The following BAIAP2 variants were observed in gnomAD, a reference collection of about 807,000 sequenced individuals.
BAIAP2 encodes the protein BAR/IMD domain-containing adapter protein 2.
BAIAP2 carries 18 observed loss-of-function variants against 63.0 expected under a neutral mutation model. That is an observed-to-expected ratio of 0.29 (90% confidence interval 0.20 to 0.42). BAIAP2 has a LOEUF of 0.42. Ranked by LOEUF, BAIAP2 falls within the 10% of genes least tolerant of loss-of-function variation. The pLI is 1.00. For synonymous variants in BAIAP2, 386 were observed against 307.6 expected (o/e 1.25, Z -2.67); for missense variants, 610 against 734.3 (o/e 0.83, Z 1.96).
At chr17:81,085,444 G>A (rs1407075236) in intron 4 of BAIAP2, 6 of 686,388 alleles carry the variant, frequency 8.7e-6, no homozygotes, top group African/African-American at 3.5e-5. Context: ...ATTGTCCGAC[G>A]TTCCAGACTC....
rs113122868 is a variant in BAIAP2 at position 81,099,193 on chromosome 17, G to A, written c.490-735G>A. Among the ~76,000 whole-genome samples the A allele has an allele frequency of 1.0e-4, 6 of 59,890 alleles. No homozygotes were observed. The East Asian group carries it at 2.3e-3, about 23-fold the overall frequency. 39.3% of individuals were successfully genotyped at this position (59,890 alleles called of 152,430 possible). A position where few individuals can be genotyped will look rare whatever the true frequency, so the allele number is the denominator to read the frequency against. ...CTTGCTTTCTGGGCTCCCAGTCTCC[G>A]CTCGGTGACCTCTTGTCTGATCCTC... On this transcript the variant is annotated intron_variant, in intron 6 of 13. Coordinates refer to ENST00000428708, the MANE Select transcript of BAIAP2 (RefSeq NM_001144888.2).
intron 9 of BAIAP2, among the ~76,000 whole-genome samples, 162 bp downstream of exon 9, chr17:81,104,270 C>T (rs2058858689): frequency 6.6e-6 from 1 of 152,226 alleles, no homozygotes; most frequent in African/African-American, 2.4e-5. Flanking sequence ...TGTGCCTGCC[C>T]AGCATCCAGC....
In BAIAP2 at chr17:81,057,985, CCCCCG is replaced by C; in HGVS notation, c.217+21_217+25del. 2 of 1,216,958 alleles carry C rather than the reference CCCCCG, an allele frequency of 1.6e-6. 1 individual carries two copies. Among genetic ancestry groups the C allele is most frequent in the Non-Finnish European group, 2.2e-6 (2 of 922,482 alleles). The allele number at this position is 1,216,958 out of a possible 1,614,324, so 75.4% of individuals were successfully genotyped here. ...AGAACTCGGTGAGACCCCCCCCCCC[CCCCCG>C]CCTGGTAGTCGCCTGATGCCCTCAG... On this transcript the variant is annotated intron_variant, in intron 3 of 13. Coordinates refer to ENST00000428708, the MANE Select transcript of BAIAP2 (RefSeq NM_001144888.2).
chr17:81,051,091 G>A (rs887544493), intron 1 of BAIAP2, among the ~76,000 whole-genome samples: 4 of 151,800 alleles, frequency 2.6e-5, no homozygotes, highest in Admixed American at 2.0e-4. Flanking sequence ...TCCCTGCCCC[G>A]GCTCCCAGGC....
At chr17:81,036,580 G>T (rs1024922755) in intron 1 of BAIAP2, among the ~76,000 whole-genome samples, 1 of 152,244 alleles carries the variant, frequency 6.6e-6, no homozygotes, top group African/African-American at 2.4e-5. Flanking sequence ...AATAAAGCTT[G>T]TGAAGTTGGG....
chr17:81,107,411 G>C (rs1443845847), intron 12 of BAIAP2: 1 of 154,876 alleles, frequency 6.5e-6, no homozygotes, highest in Non-Finnish European at 1.4e-5. Context: ...CTGGTGCCGG[G>C]AGGCCAGAGG....
intron 3 of BAIAP2, among the ~76,000 whole-genome samples, chr17:81,078,668 G>A (rs1443071419): frequency 6.6e-6 from 1 of 151,956 alleles, no homozygotes; most frequent in Non-Finnish European, 1.5e-5. Flanking sequence ...GTGGGTGCGG[G>A]TGCTGTCTCG....
In BAIAP2 at chr17:81,046,975, A is replaced by G. The variant is rs1229348812; in HGVS notation, c.55-6693A>G. ...GCCACCGGCTTCTGCCTGTCGCGAC[A>G]GAGGTGGAAGTGAGGGCGGTGGTCC... On this transcript the variant is annotated intron_variant, in intron 1 of 13. Coordinates refer to ENST00000428708, the MANE Select transcript of BAIAP2 (RefSeq NM_001144888.2). The surrounding 1 kb of genome is among the most constrained non-coding windows in gnomAD (Gnocchi z 4.5). 1.5e-4 allele frequency among the ~76,000 whole-genome samples: 23 copies of G among 152,162 alleles called. No homozygotes were observed.
chr17:81,089,696 G>A (rs1451502002), intron 6 of BAIAP2, among the ~76,000 whole-genome samples: 3 of 152,198 alleles, frequency 2.0e-5, no homozygotes, highest in African/African-American at 4.8e-5. Context: ...GCCAGACCCC[G>A]GAGCCCGGCA....
chr17:81,115,989 C>A lies in BAIAP2; in HGVS notation c.*150C>A. ...ACTTGAGTCTGGCCTGGACTGGATC[C>A]CAGCTGTTCTAGGCAGGGCCGGGCA... is the stretch of plus-strand genomic sequence containing the variant. On this transcript the variant is annotated 3_prime_UTR_variant, in exon 14 of 14. Coordinates refer to ENST00000428708, the MANE Select transcript of BAIAP2 (RefSeq NM_001144888.2). The A allele has an allele frequency of 6.7e-6, 10 of 1,486,388 alleles. No homozygotes were observed. Among genetic ancestry groups the A allele is most frequent in the Non-Finnish European group, 8.9e-6 (10 of 1,118,974 alleles). 92.1% of individuals were successfully genotyped at this position (1,486,388 alleles called of 1,614,324 possible).
chr17:81,082,341 G>A (rs866949363), intron 3 of BAIAP2, among the ~76,000 whole-genome samples: 1 of 152,146 alleles, frequency 6.6e-6, no homozygotes, highest in South Asian at 2.1e-4. Context: ...ATACCTCCCC[G>A]GGGTCTGCAG....
At chr17:81,090,584 G>T (rs1049720373) in intron 6 of BAIAP2, among the ~76,000 whole-genome samples, 8 of 152,246 alleles carry the variant, frequency 5.3e-5, no homozygotes, top group African/African-American at 1.9e-4. Flanking sequence ...ACATTTTGGG[G>T]TGGGAAACAG....
chr17:81,106,191 G>C (rs2059162803), intron 11 of BAIAP2, 45 bp downstream of exon 11: 1 of 1,537,752 alleles, frequency 6.5e-7, no homozygotes, highest in African/African-American at 1.4e-5. Context: ...CAGCTCGGGA[G>C]AGGGGCTGTG....
At chr17:81,037,777 A>G (rs562310370) in intron 1 of BAIAP2, among the ~76,000 whole-genome samples, 42 of 152,356 alleles carry the variant, frequency 2.8e-4, no homozygotes, top group Non-Finnish European at 3.5e-4. Context: ...TGGTTTGGAC[A>G]TTGCATCGCC....
chr17:81,107,198 G>A (rs2059288457), intron 12 of BAIAP2: 1 of 381,838 alleles, frequency 2.6e-6, no homozygotes, highest in Non-Finnish European at 4.7e-6. Flanking sequence ...TCTGTCCAAG[G>A]GGGCAGCGTC....
chr17:81,041,823 C>G (rs895207238), intron 1 of BAIAP2, among the ~76,000 whole-genome samples: 4 of 152,210 alleles, frequency 2.6e-5, no homozygotes, highest in Non-Finnish European at 4.4e-5. Flanking sequence ...CCACCCACCT[C>G]GGGCTCCCAA....
At chr17:81,080,210 C>A (rs1194290683) in intron 3 of BAIAP2, among the ~76,000 whole-genome samples, 2 of 152,248 alleles carry the variant, frequency 1.3e-5, no homozygotes, top group African/African-American at 4.8e-5. Context: ...GCGCTGGTGG[C>A]TGCACACACT....
chr17:81,106,568 G>A (rs1353596054), intron 11 of BAIAP2, among the ~76,000 whole-genome samples, 177 bp from the exon 12 acceptor site: 1 of 152,226 alleles, frequency 6.6e-6, no homozygotes, highest in East Asian at 1.9e-4. Flanking sequence ...CCAGGAGGAG[G>A]AAGGGAGGCC....
In BAIAP2 at chr17:81,115,800, G is replaced by A. The variant is rs117102084; in HGVS notation, c.1566G>A (p.Pro522=). 7.4e-3 allele frequency: 11,917 copies of A among 1,613,550 alleles called. 83 individuals carry two copies. Among genetic ancestry groups the A allele is most frequent in the Admixed American group, 8.1e-3 (489 of 60,026 alleles). ...RNPFAHVQLK[P]TVTNDRSAPL... ...CCTTTGCCCACGTCCAGCTGAAGCC[G>A]ACAGTGACCAACGACAGGTCTGCCC... is the stretch of plus-strand genomic sequence containing the variant. The change falls in exon 14 of 14, where the codon CCG becomes CCA. Residue 522 remains proline, a synonymous_variant. Coordinates refer to ENST00000428708, the MANE Select transcript of BAIAP2 (RefSeq NM_001144888.2).
Sources: allele counts gnomAD v4.1 joint callset (sites outside exome capture counted in the v4.1 genomes callset), GRCh38; gene constraint gnomAD v4.1.1; non-coding constraint Gnocchi (gnomAD v3.1); transcripts MANE v1.5; gene names NCBI Gene and HGNC (gene_info 2026-07-23, HGNC 2026-07-21).